Variants in RBM17 observed in about 807,000 individuals in gnomAD.
RBM17 encodes the protein RNA binding motif protein 17, also known as splicing factor 45.
RBM17 carries 7 observed loss-of-function variants against 53.2 expected under a neutral mutation model. That is an observed-to-expected ratio of 0.13 (90% CI 0.07 to 0.25). RBM17 has a LOEUF of 0.25. Among genes scored for constraint, RBM17 ranks in the 10% least tolerant of loss-of-function variants. The probability of loss-of-function intolerance (pLI) is 1.00; values close to 1 mark genes in which losing one functional copy is unlikely to be tolerated. For synonymous variants in RBM17, 167 were observed against 178.1 expected (o/e 0.94, Z 0.50); for missense variants, 257 against 496.7 (o/e 0.52, Z 4.59).
At chr10:6,110,249 C>A in intron 7 of RBM17, 122 bp downstream of exon 7, 1 of 778,252 alleles carries the variant, frequency 1.3e-6, no homozygotes, top group Non-Finnish European at 1.9e-6. Flanking sequence ...GTGCAGGTCA[C>A]ACGGTACCTG....
intron 4 of RBM17, among the ~76,000 whole-genome samples, 184 bp from the exon 5 acceptor site, chr10:6,105,955 TCA>T (rs1840742304): frequency 6.6e-6 from 1 of 152,222 alleles, no homozygotes; most frequent in South Asian, 2.1e-4. Context: ...TGAATTTTTC[TCA>T]CTTTTCATAC....
intron 1 of RBM17, among the ~76,000 whole-genome samples, chr10:6,096,306 CTG>C (rs1840573313): frequency 6.6e-6 from 1 of 152,160 alleles, no homozygotes; most frequent in South Asian, 2.1e-4. Flanking sequence ...GCATCCATGT[CTG>C]TGCAGTGCTG....
At chr10:6,098,556 G>GGTTTTTTTTTTTTTTTTT (rs1840613398) in intron 2 of RBM17, among the ~76,000 whole-genome samples, 4 of 87,978 alleles carry the variant, frequency 4.5e-5, no homozygotes, top group South Asian at 8.7e-4. Context: ...TAATACACAG[G>GGTTTTTTTTTTTTTTTTT]TTTTTTGTTT....
chr10:6,098,563 G>GTGTTTTTTTTTTTTTTTTT (rs1554834988), intron 2 of RBM17, among the ~76,000 whole-genome samples: 1 of 46,666 alleles, frequency 2.1e-5, no homozygotes, highest in Non-Finnish European at 4.4e-5. Flanking sequence ...CAGGTTTTTT[G>GTGTTTTTTTTTTTTTTTTT]TTTTTTTTTT....
At chr10:6,109,016 A>G (rs116544018) in intron 6 of RBM17, among the ~76,000 whole-genome samples, 5 of 151,998 alleles carry the variant, frequency 3.3e-5, no homozygotes, top group African/African-American at 9.7e-5. Flanking sequence ...AACATTTCTT[A>G]TTTGTTGTTA....
intron 8 of RBM17, chr10:6,113,306 A>C (rs1281947818): frequency 2.2e-6 from 1 of 455,426 alleles, no homozygotes; most frequent in Admixed American, 3.9e-5. Context: ...TTGTAAAAAC[A>C]TGCCAAAGCA....
chr10:6,113,878 T>C, intron 9 of RBM17, 171 bp from the exon 10 acceptor site: 1 of 599,400 alleles, frequency 1.7e-6, no homozygotes, highest in Non-Finnish European at 3.0e-6. Context: ...GCTTAATATA[T>C]GTTTTAGTGT....
intron 2 of RBM17, among the ~76,000 whole-genome samples, chr10:6,100,574 A>ATGATGG (rs1564566739): frequency 6.6e-6 from 1 of 152,164 alleles, no homozygotes; most frequent in Admixed American, 6.5e-5. Context: ...GGAGATGAAG[A>ATGATGG]TGATGGTGAT....
intron 1 of RBM17, among the ~76,000 whole-genome samples, chr10:6,095,344 C>CT (rs1036731947): frequency 4.6e-5 from 7 of 152,108 alleles, no homozygotes; most frequent in African/African-American, 1.4e-4. Context: ...TCCGGAGTAG[C>CT]TGGGATTACA....
At chr10:6,110,199 C>CA (rs1221271910) in intron 7 of RBM17, 72 bp downstream of exon 7, 1 of 1,395,792 alleles carries the variant, frequency 7.2e-7, no homozygotes, top group Non-Finnish European at 9.7e-7. Flanking sequence ...TCAATAGATG[C>CA]AGCTTGTTTG....
intron 3 of RBM17, 31 bp downstream of exon 3, chr10:6,101,418 C>A: frequency 7.2e-7 from 1 of 1,395,180 alleles, no homozygotes; most frequent in Non-Finnish European, 1.0e-6. Flanking sequence ...GAGCTTGATA[C>A]GTGTCTCTGT....
At position 6,099,244 on chromosome 10, in the gene RBM17, A is replaced by G. The variant is rs191157362; in HGVS notation, c.124-2027A>G. ...AAGTTATTTCTACTAACTTTATAAA[A>G]CTTTTGAGATTGCTATGTACAGTTA... On this transcript the variant is annotated intron_variant, in intron 2 of 11. Transcript: ENST00000379888. Among the ~76,000 whole-genome samples, 135 of 151,488 alleles carry G rather than the reference A, an allele frequency of 8.9e-4. 2 individuals carry two copies. The highest frequency in any genetic ancestry group is 2.5e-4 in the Non-Finnish European group (17 of 67,878).
chr10:6,115,607 A>G lies in RBM17; in HGVS notation c.*51A>G, dbSNP rs990383255. On this transcript the variant is annotated 3_prime_UTR_variant, in exon 12 of 12. Transcript: ENST00000379888. ...CTCCGGTGATCCTTAAATGAACTGC[A>G]GGCTGAGAAAAGAAGGAAAAAGGTC... 2.5e-6 allele frequency: 3 copies of G among 1,181,296 alleles called. No homozygotes were observed. Among genetic ancestry groups the G allele is most frequent in the South Asian group, 1.2e-5 (1 of 81,732 alleles). 73.2% of individuals were successfully genotyped at this position (1,181,296 alleles called of 1,614,324 possible).
chr10:6,092,199 A>G (rs1432801865), intron 1 of RBM17, among the ~76,000 whole-genome samples: 2 of 152,250 alleles, frequency 1.3e-5, no homozygotes, highest in African/African-American at 2.4e-5. Context: ...TTCTTATGGT[A>G]TATCCAGTTG....
At chr10:6,095,794 C>T (rs752376452) in intron 1 of RBM17, among the ~76,000 whole-genome samples, 1 of 152,162 alleles carries the variant, frequency 6.6e-6, no homozygotes, top group Non-Finnish European at 1.5e-5. Flanking sequence ...TCCCCCACTC[C>T]ACACAGTGTG....
chr10:6,101,617 A>C (rs1231693575), intron 3 of RBM17, among the ~76,000 whole-genome samples: 3 of 152,216 alleles, frequency 2.0e-5, no homozygotes, highest in East Asian at 1.9e-4. Flanking sequence ...AGAAAGAAAA[A>C]CAAATTACCT....
rs1840904044 is a variant in RBM17 at position 6,115,692 on chromosome 10, A to G, written c.*136A>G. 1.8e-6 allele frequency: 1 copy of G among 550,534 alleles called. No individual in the cohort carries two copies. The highest frequency in any genetic ancestry group is 2.8e-5 in the East Asian group (1 of 35,774). 34.1% of individuals were successfully genotyped at this position (550,534 alleles called of 1,614,324 possible). On this transcript the variant is annotated 3_prime_UTR_variant, in exon 12 of 12. Transcript: ENST00000379888. ...GGAAGGACTTCTAAGATATATGTTG[A>G]TTGATCCCTTTTTTATTTTGTGGTT...
chr10:6,098,426 G>A (rs1372698241), intron 2 of RBM17, among the ~76,000 whole-genome samples: 3 of 152,100 alleles, frequency 2.0e-5, no homozygotes, highest in Admixed American at 6.5e-5. Flanking sequence ...ATTCAGTCCC[G>A]GGCAGGGGAG....
At chr10:6,103,787 G>A (rs114455032) in intron 3 of RBM17, among the ~76,000 whole-genome samples, 2 of 152,136 alleles carry the variant, frequency 1.3e-5, no homozygotes, top group Non-Finnish European at 2.9e-5. Context: ...GGAACTGTTC[G>A]ATTTAGGTCT....
Sources: allele counts gnomAD v4.1 joint callset (sites outside exome capture counted in the v4.1 genomes callset), GRCh38; gene constraint gnomAD v4.1.1; transcripts MANE v1.5; gene names NCBI Gene and HGNC (gene_info 2026-07-23, HGNC 2026-07-21).